Variants in PIK3C3 observed in about 807,000 individuals in gnomAD.
PIK3C3 encodes the protein phosphatidylinositol 3-kinase catalytic subunit type 3, also known as PI3-kinase type 3.
PIK3C3 carries 95 observed loss-of-function variants against 126.1 expected under a neutral mutation model. That is an observed-to-expected ratio of 0.75 (90% CI 0.64 to 0.89). The LOEUF is 0.89. Among genes scored for constraint, PIK3C3 ranks in the 40% least tolerant of loss-of-function variants. The pLI, the probability that PIK3C3 is intolerant of heterozygous loss-of-function variation, is 0.00. For missense variants in PIK3C3, 829 were observed against 1,063.2 expected (o/e 0.78, Z 3.06); for synonymous variants, 374 against 360.0 (o/e 1.04, Z -0.44).
intron 21 of PIK3C3, among the ~76,000 whole-genome samples, chr18:42,055,549 G>A (rs1568003451): frequency 6.6e-6 from 1 of 152,058 alleles, no homozygotes. Context: ...AAGACAAAAG[G>A]CATTTTATGG....
intron 24 of PIK3C3, among the ~76,000 whole-genome samples, chr18:42,071,709 G>T (rs1465623057): frequency 1.4e-5 from 2 of 147,130 alleles, no homozygotes; most frequent in Non-Finnish European, 3.0e-5. Context: ...AACAGAGTGA[G>T]ATTCTGTCTC....
chr18:41,955,858 A>G (rs562075369), intron 1 of PIK3C3, among the ~76,000 whole-genome samples: 95 of 142,838 alleles, frequency 6.7e-4, no homozygotes, highest in African/African-American at 2.6e-3. Flanking sequence ...ATCTTTGGGT[A>G]GTATGGCAGT....
chr18:42,049,837 G>A (rs1014759177), intron 21 of PIK3C3: 1 of 349,980 alleles, frequency 2.9e-6, no homozygotes, highest in Middle Eastern at 8.6e-4. Context: ...GCCGGGCGTG[G>A]TGGTACATGC....
chr18:41,987,686 T>C, intron 4 of PIK3C3, 126 bp from the exon 5 acceptor site: 1 of 521,988 alleles, frequency 1.9e-6, no homozygotes, highest in Non-Finnish European at 3.5e-6. Context: ...TCCTGCTAAT[T>C]GCGTATGGTT....
Position 41,957,628 on chromosome 18 carries a change from A to G in PIK3C3, c.127A>G (p.Met43Val), listed in dbSNP as rs148984948. 1.8e-5 allele frequency: 29 copies of G among 1,613,042 alleles called. No individual in the cohort carries two copies. In the African/African-American group the frequency reaches 2.3e-4, roughly 13 times the overall value. Reference sequence around the variant, plus strand: ...TTATAAAGCTGTCCTGGAAGACCCAATGTTGAAGTTCTCAGGACTATATCA... The same window carrying G: ...TTATAAAGCTGTCCTGGAAGACCCAGTGTTGAAGTTCTCAGGACTATATCA... ...KSYKAVLEDP[M>V]LKFSGLYQET... Residue 43 changes from methionine (M) to valine (V), a missense_variant, in exon 2 of 25, where the codon ATG becomes GTG. This residue lies in a region of PIK3C3 where 313 missense variants were observed against 340.7 expected (regional missense o/e 0.92). Transcript: ENST00000262039.
chr18:41,957,728 C>T lies in PIK3C3; in HGVS notation c.227C>T (p.Thr76Ile). The change falls in exon 2 of 25, where the codon ACA (threonine) becomes ATA (isoleucine). Residue 76 changes from threonine (T) to isoleucine (I), a missense_variant. Physicochemically the swap from Thr to Ile is moderately conservative, Grantham distance 89. Coordinates refer to ENST00000262039, the MANE Select transcript of PIK3C3 (RefSeq NM_002647.4). ...EGKPLALPVR[T>I]SYKAFSTRWN... The stretch of plus-strand genomic sequence containing the variant: ...AAGCCTTTGGCCTTGCCAGTGAGAA[C>T]ATCCTACAAAGCATTTAGTACAAGA... 1 of 1,613,292 alleles carries T rather than the reference C, an allele frequency of 6.2e-7. No individual in the cohort carries two copies. The highest frequency in any genetic ancestry group is 8.5e-7 in the Non-Finnish European group (1 of 1,179,708).
intron 9 of PIK3C3, among the ~76,000 whole-genome samples, chr18:42,002,152 G>T (rs556443743): frequency 6.6e-6 from 1 of 152,286 alleles, no homozygotes; most frequent in South Asian, 2.1e-4. Flanking sequence ...GAAAGTTGCC[G>T]AAAACTTCCT....
At chr18:42,017,100 G>A (rs760641344) in intron 12 of PIK3C3, among the ~76,000 whole-genome samples, 5 of 152,020 alleles carry the variant, frequency 3.3e-5, no homozygotes, top group African/African-American at 4.8e-5. Context: ...GAAAAGAGTG[G>A]CAATCATTTT....
chr18:42,086,901 C>T lies in PIK3C3; in HGVS notation c.*5764C>T, dbSNP rs560805531. The T allele has an allele frequency of 4.3e-4, 66 of 152,316 alleles. No homozygotes were observed. The highest frequency in any genetic ancestry group is 1.4e-3 in the African/African-American group (59 of 41,572). 9.4% of individuals were successfully genotyped at this position (152,316 alleles called of 1,614,324 possible). A position where few individuals can be genotyped will look rare whatever the true frequency, so the allele number is the denominator to read the frequency against. ...ACCTGCTTTCACTTTATGGACTCCCCTGAATTCTTCTGCAGGAGATCCAAG... is the reference window on the plus strand; with the variant it reads ...ACCTGCTTTCACTTTATGGACTCCCTTGAATTCTTCTGCAGGAGATCCAAG... On this transcript the variant is annotated 3_prime_UTR_variant, in exon 25 of 25. Coordinates refer to ENST00000262039, the MANE Select transcript of PIK3C3 (RefSeq NM_002647.4).
intron 12 of PIK3C3, among the ~76,000 whole-genome samples, chr18:42,015,965 A>G (rs943530303): frequency 6.6e-6 from 1 of 152,200 alleles, no homozygotes; most frequent in African/African-American, 2.4e-5. Context: ...TTAACTATAC[A>G]TATAAGTAGA....
intron 18 of PIK3C3, 104 bp from the exon 19 acceptor site, chr18:42,040,573 A>G: frequency 4.0e-6 from 3 of 751,596 alleles, no homozygotes; most frequent in South Asian, 3.6e-5. Context: ...TTGTTCAGAT[A>G]TGGAATGCAT....
chr18:42,019,728 AG>A (rs1290259384), intron 12 of PIK3C3, among the ~76,000 whole-genome samples: 2 of 152,102 alleles, frequency 1.3e-5, no homozygotes, highest in Non-Finnish European at 2.9e-5. Flanking sequence ...CCTGAGTTTC[AG>A]ATTCATCTAT....
chr18:42,040,661 A>G lies in PIK3C3; in HGVS notation c.2039-16A>G. 1 of 1,588,200 alleles carries G rather than the reference A, an allele frequency of 6.3e-7. No individual in the cohort carries two copies. Among genetic ancestry groups the G allele is most frequent in the Non-Finnish European group, 8.6e-7 (1 of 1,158,516 alleles). Reference sequence around the variant, plus strand: ...CCAGTAGCTATGCTTAATGCAGTGCATACATTTCTGTGTAGGCTTCATGCA... The same window carrying G: ...CCAGTAGCTATGCTTAATGCAGTGCGTACATTTCTGTGTAGGCTTCATGCA... On this transcript the variant is annotated splice_polypyrimidine_tract_variant and intron_variant, in intron 18 of 24. Transcript: ENST00000262039.
At chr18:41,962,708 CTTT>C (rs958653362) in intron 3 of PIK3C3, 76 bp downstream of exon 3, 6 of 1,414,918 alleles carry the variant, frequency 4.2e-6, no homozygotes, top group Non-Finnish European at 4.8e-6. Flanking sequence ...TGAGGGAAGG[CTTT>C]AATAGTTTAT....
chr18:42,056,442 A>G (rs1461070621), intron 21 of PIK3C3, among the ~76,000 whole-genome samples: 5 of 152,168 alleles, frequency 3.3e-5, no homozygotes, highest in Admixed American at 1.3e-4. Flanking sequence ...TATTAAAAGC[A>G]TGGAGCTCAT....
intron 15 of PIK3C3, among the ~76,000 whole-genome samples, chr18:42,032,247 A>G (rs976393191): frequency 2.0e-5 from 3 of 152,204 alleles, no homozygotes; most frequent in African/African-American, 7.2e-5. Context: ...GAAGAAGCCC[A>G]GTGTATTTGG....
chr18:41,996,789 T>C lies in PIK3C3; in HGVS notation c.984+59T>C, dbSNP rs143738597. The C allele has an allele frequency of 4.7e-5, 41 of 876,062 alleles. No individual in the cohort carries two copies. The African/African-American group carries it at 6.5e-4, about 14-fold the overall frequency. The allele number at this position is 876,062 out of a possible 1,614,324, so 54.3% of individuals were successfully genotyped here. A position where few individuals can be genotyped will look rare whatever the true frequency, so the allele number is the denominator to read the frequency against. On this transcript the variant is annotated intron_variant, in intron 9 of 24. Transcript: ENST00000262039. ...TATCTACCAACTTTGTTATTAATGATCAAGATGAGGAAAATGCCATGGAAA... is the reference window on the plus strand; with the variant it reads ...TATCTACCAACTTTGTTATTAATGACCAAGATGAGGAAAATGCCATGGAAA...
intron 9 of PIK3C3, among the ~76,000 whole-genome samples, chr18:42,001,061 G>A (rs1982263799): frequency 6.6e-6 from 1 of 152,090 alleles, no homozygotes. Context: ...GTTTAAATTA[G>A]GAATATATAT....
chr18:41,965,056 A>G (rs550332323), intron 3 of PIK3C3, among the ~76,000 whole-genome samples: 71 of 152,342 alleles, frequency 4.7e-4, no homozygotes, highest in African/African-American at 1.5e-3. Flanking sequence ...ACATATTGCT[A>G]AATCAGTATT....
Sources: gnomAD v4.1 joint callset for allele counts (sites outside exome capture counted in the v4.1 genomes callset) on GRCh38, gnomAD v4.1.1 for gene constraint, gnomAD v4.1.1 regional missense constraint, MANE v1.5 for transcripts, NCBI Gene and HGNC (gene_info 2026-07-23, HGNC 2026-07-21) for gene names.